PRELID2: variants seen among roughly 807,000 people sequenced by gnomAD.
The protein encoded by PRELID2 is PRELI domain-containing protein 2.
A neutral mutation model predicts 28.4 loss-of-function variants in PRELID2; 25 were observed. The observed-to-expected ratio is 0.88, with a 90% CI of 0.64 to 1.23. The LOEUF is 1.23. PRELID2 is among the 50% of genes most tolerant of loss of function. PRELID2 has a pLI of 0.00. For missense variants in PRELID2, 201 were observed against 214.4 expected (o/e 0.94, Z 0.39); for synonymous variants, 76 against 71.6 (o/e 1.06, Z -0.31).
At chr5:145,273,129 T>G in the PRELID2 span, among the ~76,000 whole-genome samples, 1 of 152,108 alleles carries the variant, frequency 6.6e-6, no homozygotes, top group African/African-American at 2.4e-5. Context: ...TAAAGCAGAG[T>G]TCGGGCACAT....
intron 1 of PRELID2, among the ~76,000 whole-genome samples, chr5:145,606,218 G>A (rs1279325902): frequency 6.6e-6 from 1 of 152,142 alleles, no homozygotes; most frequent in Non-Finnish European, 1.5e-5. Context: ...TACAAACAGA[G>A]ATAGTTTGAC....
At chr5:145,353,468 AAAAAGAAAAG>A in the PRELID2 span, among the ~76,000 whole-genome samples, 2 of 151,872 alleles carry the variant, frequency 1.3e-5, no homozygotes, top group Non-Finnish European at 2.9e-5. Context: ...ATCTCAAAAA[AAAAAGAAAAG>A]AAAAGAAAAG....
intron 1 of PRELID2, among the ~76,000 whole-genome samples, chr5:145,507,550 A>G (rs1752422854): frequency 6.6e-6 from 1 of 152,154 alleles, no homozygotes; most frequent in African/African-American, 2.4e-5. Context: ...TGTTTTTTCT[A>G]GTATAAGTGG....
intron 1 of PRELID2, among the ~76,000 whole-genome samples, chr5:145,833,595 A>T (rs1362428383): frequency 1.3e-5 from 2 of 152,358 alleles, no homozygotes; most frequent in South Asian, 4.1e-4. Context: ...ATCAACGAAC[A>T]TATCAGCAAG....
chr5:145,355,378 A>T, the PRELID2 span, among the ~76,000 whole-genome samples: 3 of 152,046 alleles, frequency 2.0e-5, no homozygotes, highest in African/African-American at 4.8e-5. Flanking sequence ...TTTTTTAAGA[A>T]TTTTTTCTCT....
intron 1 of PRELID2, among the ~76,000 whole-genome samples, chr5:145,740,973 T>A (rs1756697320): frequency 8.8e-6 from 1 of 114,254 alleles, no homozygotes; most frequent in South Asian, 2.7e-4. Flanking sequence ...GTATATATTA[T>A]ATATTTGTGT....
the PRELID2 span, among the ~76,000 whole-genome samples, chr5:145,398,885 C>T: frequency 6.6e-6 from 1 of 151,998 alleles, no homozygotes; most frequent in East Asian, 1.9e-4. Context: ...TTTAGCTCCA[C>T]CCTAAACTTC....
the PRELID2 span, among the ~76,000 whole-genome samples, chr5:145,264,114 A>G: frequency 1.3e-5 from 2 of 152,306 alleles, no homozygotes; most frequent in East Asian, 3.9e-4. Flanking sequence ...ATTCTAAAAG[A>G]TAGGGAAAGA....
At chr5:145,814,810 A>G (rs1314393580) in intron 4 of PRELID2, among the ~76,000 whole-genome samples, 3 of 152,234 alleles carry the variant, frequency 2.0e-5, no homozygotes, top group Admixed American at 6.5e-5. Flanking sequence ...TTTTAAATGT[A>G]TCTCAAAAAA....
rs186613071 is a variant in PRELID2, at chr5:145,521,080, G to T, written n.71-47765C>A. 6.4e-4 allele frequency among the ~76,000 whole-genome samples: 98 copies of T among 152,238 alleles called. 1 individual carries two copies. The highest frequency in any genetic ancestry group is 6.4e-3 in the Admixed American group (98 of 15,286). On this transcript the variant is annotated intron_variant and non_coding_transcript_variant, in intron 1 of 2. Transcript: ENST00000510259. ...GTTAACAAATCTACGGCTTTCATGG[G>T]TAAGGACAGTGTTTAATTCACAGAA...
chr5:145,309,944 A>G, the PRELID2 span, among the ~76,000 whole-genome samples: 1 of 152,184 alleles, frequency 6.6e-6, no homozygotes, highest in East Asian at 1.9e-4. Context: ...GTTTTTGCTA[A>G]TGGTATGATA....
chr5:145,646,961 C>T (rs1045113591), intron 1 of PRELID2, among the ~76,000 whole-genome samples: 1 of 152,204 alleles, frequency 6.6e-6, no homozygotes, highest in Admixed American at 6.5e-5. Flanking sequence ...TCAGCCCCCA[C>T]TGGGAGGTGT....
At chr5:145,797,771 T>C (rs184162544) in intron 4 of PRELID2, among the ~76,000 whole-genome samples, 665 of 152,154 alleles carry the variant, frequency 4.4e-3, no homozygotes, top group Middle Eastern at 0.027. Context: ...GAGAAGTGGC[T>C]GTTTTTTTAT....
intron 1 of PRELID2, among the ~76,000 whole-genome samples, chr5:145,828,454 T>C (rs975676517): frequency 1.3e-4 from 20 of 152,148 alleles, no homozygotes; most frequent in African/African-American, 4.6e-4. Flanking sequence ...TTTAAAATGA[T>C]TAGAAGATAA....
At chr5:145,801,818 A>T (rs1233861453) in intron 4 of PRELID2, among the ~76,000 whole-genome samples, 1 of 152,192 alleles carries the variant, frequency 6.6e-6, no homozygotes, top group East Asian at 1.9e-4. Context: ...TCTAGAATCA[A>T]TCTAAACATC....
chr5:145,676,278 G>A (rs150342955), intron 1 of PRELID2, among the ~76,000 whole-genome samples: 209 of 150,802 alleles, frequency 1.4e-3, no homozygotes, highest in African/African-American at 4.7e-3. Context: ...AGTGGCTCAC[G>A]CCTGTAATTC....
At chr5:145,542,987 G>T (rs538937411) in intron 1 of PRELID2, among the ~76,000 whole-genome samples, 1 of 152,136 alleles carries the variant, frequency 6.6e-6, no homozygotes, top group Non-Finnish European at 1.5e-5. Flanking sequence ...TACCAAGCAA[G>T]CTGTGTACAA....
chr5:145,445,102 G>A, the PRELID2 span, among the ~76,000 whole-genome samples: 1 of 152,018 alleles, frequency 6.6e-6, no homozygotes, highest in East Asian at 1.9e-4. Flanking sequence ...AAGAAAGCCA[G>A]AGGTATCACA....
At chr5:145,463,600 T>C in the PRELID2 span, among the ~76,000 whole-genome samples, 1 of 152,174 alleles carries the variant, frequency 6.6e-6, no homozygotes, top group Non-Finnish European at 1.5e-5. Flanking sequence ...AGGACTCTGA[T>C]ATGGGTCCTG....
Sources: allele counts gnomAD v4.1 joint callset (sites outside exome capture counted in the v4.1 genomes callset), GRCh38; gene constraint gnomAD v4.1.1; transcripts MANE v1.5; gene names NCBI Gene and HGNC (gene_info 2026-07-23, HGNC 2026-07-21).